Variants in COL22A1 observed in about 807,000 individuals in gnomAD.
COL22A1 encodes the protein collagen type XXII alpha 1 chain.
In COL22A1, 221 loss-of-function variants were observed where a neutral mutation model predicts 248.9. The ratio of observed to expected loss-of-function variants is 0.89; its 90% CI spans 0.80 to 0.99. COL22A1 has a LOEUF of 0.99. Among genes scored for constraint, COL22A1 ranks in the 50% least tolerant of loss-of-function variants. The pLI is 0.00. For missense variants in COL22A1, 2,240 were observed against 2,179.0 expected (o/e 1.03, Z -0.56); for synonymous variants, 891 against 793.4 (o/e 1.12, Z -2.07).
intron 41 of COL22A1, among the ~76,000 whole-genome samples, chr8:138,673,802 C>T (rs941266132): frequency 3.3e-5 from 5 of 152,078 alleles, no homozygotes; most frequent in Admixed American, 3.3e-4. Flanking sequence ...TGCACCTGCC[C>T]AGGGCTTTCT....
intron 1 of COL22A1, among the ~76,000 whole-genome samples, chr8:138,899,971 G>A (rs1250663239): frequency 3.3e-5 from 5 of 152,176 alleles, no homozygotes; most frequent in Admixed American, 1.3e-4. Flanking sequence ...CAGATATGGC[G>A]AAGGTATGAT....
rs542862875 is a variant in COL22A1, at chr8:138,659,260, A to G, written c.3285+1176T>C. Among the ~76,000 whole-genome samples, 43 of 152,204 alleles carry G rather than the reference A, an allele frequency of 2.8e-4. No individual in the cohort carries two copies. In the South Asian group the frequency reaches 5.4e-3, roughly 19 times the overall value. The stretch of plus-strand genomic sequence containing the variant: ...AAGGTGTTCAGTGAGAAGTTTCAGG[A>G]CCCTTAATGGCAGACCAGGATCCCT... On this transcript the variant is annotated intron_variant, in intron 44 of 64. Coordinates refer to ENST00000303045, the MANE Select transcript of COL22A1 (RefSeq NM_152888.3).
At chr8:138,885,722 C>T (rs1170878327) in intron 1 of COL22A1, among the ~76,000 whole-genome samples, 2 of 152,130 alleles carry the variant, frequency 1.3e-5, no homozygotes, top group South Asian at 2.1e-4. Flanking sequence ...CGCCACCACA[C>T]CCGGCTAGTT....
At chr8:138,687,383 C>T (rs1334035217) in intron 37 of COL22A1, among the ~76,000 whole-genome samples, 1 of 152,178 alleles carries the variant, frequency 6.6e-6, no homozygotes, top group Non-Finnish European at 1.5e-5. Flanking sequence ...AAAATTGAAC[C>T]TTCCTGCAAA....
intron 47 of COL22A1, among the ~76,000 whole-genome samples, chr8:138,639,221 A>G (rs1340075545): frequency 3.3e-5 from 5 of 152,232 alleles, no homozygotes; most frequent in African/African-American, 4.8e-5. Context: ...AGGTTCAGTC[A>G]TTCACCTGAG....
chr8:138,597,680 C>G (rs11986869), intron 61 of COL22A1, among the ~76,000 whole-genome samples: 4 of 152,324 alleles, frequency 2.6e-5, no homozygotes, highest in Admixed American at 6.5e-5. Flanking sequence ...AGGGGTCTTA[C>G]GGTGCTCATC....
chr8:138,878,604 C>T (rs567764152), intron 2 of COL22A1, among the ~76,000 whole-genome samples: 4 of 152,328 alleles, frequency 2.6e-5, no homozygotes, highest in South Asian at 2.1e-4. Flanking sequence ...GCCTCAATCT[C>T]TTCACTTTTA....
At chr8:138,799,633 T>C (rs908138000) in intron 11 of COL22A1, among the ~76,000 whole-genome samples, 4 of 152,210 alleles carry the variant, frequency 2.6e-5, no homozygotes, top group Non-Finnish European at 5.9e-5. Context: ...AGACTCGTTT[T>C]GAAAGTCTCT....
Position 138,623,895 on chromosome 8 carries a change from C to G in COL22A1, c.3718-110G>C. 3 of 855,486 alleles carry G rather than the reference C, an allele frequency of 3.5e-6. No individual in the cohort carries two copies. The South Asian group carries it at 5.0e-5, about 14-fold the overall frequency. The allele number at this position is 855,486 out of a possible 1,614,324, so 53.0% of individuals were successfully genotyped here. A position where few individuals can be genotyped will look rare whatever the true frequency, so the allele number is the denominator to read the frequency against. On this transcript the variant is annotated intron_variant, in intron 51 of 64. Coordinates refer to ENST00000303045, the MANE Select transcript of COL22A1 (RefSeq NM_152888.3). ...GCCCAGCTTCCAGCAGTTGCCTTCA[C>G]AGTTGGCAGCTAAGGCAGTGTCTCA...
At chr8:138,738,737 G>T (rs1563690892) in intron 22 of COL22A1, among the ~76,000 whole-genome samples, 2 of 152,146 alleles carry the variant, frequency 1.3e-5, no homozygotes, top group Non-Finnish European at 2.9e-5. Context: ...GCTTCTCAGG[G>T]CTCTGAAGAA....
chr8:138,694,253 T>TGCA (rs1390291565), intron 34 of COL22A1, among the ~76,000 whole-genome samples: 1 of 152,154 alleles, frequency 6.6e-6, no homozygotes, highest in African/African-American at 2.4e-5. Context: ...GGCAGAAACC[T>TGCA]GCAGCTCACC....
At chr8:138,851,521 C>T (rs988553454) in intron 3 of COL22A1, among the ~76,000 whole-genome samples, 2 of 152,184 alleles carry the variant, frequency 1.3e-5, no homozygotes, top group East Asian at 3.9e-4. Flanking sequence ...ACTTTGGGTG[C>T]CAGCCATCAC....
chr8:138,902,313 C>T (rs7819375), intron 1 of COL22A1, among the ~76,000 whole-genome samples: 53,740 of 152,010 alleles, frequency 0.35, 11,187 homozygotes, highest in African/African-American at 0.59. Flanking sequence ...AGAGAAAAGG[C>T]CCCAGCCAGG....
At chr8:138,767,317 C>G (rs796353920) in intron 16 of COL22A1, among the ~76,000 whole-genome samples, 1 of 152,072 alleles carries the variant, frequency 6.6e-6, no homozygotes, top group Non-Finnish European at 1.5e-5. Context: ...AACAGGGGAA[C>G]AGCAGAGGAG....
intron 4 of COL22A1, among the ~76,000 whole-genome samples, chr8:138,843,574 C>A (rs1821034079): frequency 6.6e-6 from 1 of 152,186 alleles, no homozygotes; most frequent in African/African-American, 2.4e-5. Context: ...CTCGGCCATA[C>A]CCCGCACCCT....
Position 138,591,479 on chromosome 8 carries a change from G to A in COL22A1, c.4638C>T (p.Asp1546=). Residue 1546 remains aspartate (D), a synonymous_variant, in exon 64 of 65, where the codon GAC becomes GAT. Coordinates refer to ENST00000303045, the MANE Select transcript of COL22A1 (RefSeq NM_152888.3). Reference sequence around the variant, plus strand: ...GGAGGCCAACTCCAGGTGCACCTGGGTCACCTTTGGCTCCTCGCTCACCTG... The same window carrying A: ...GGAGGCCAACTCCAGGTGCACCTGGATCACCTTTGGCTCCTCGCTCACCTG... ...GPKGERGAKG[D]PGAPGVGLRG... 2 of 1,573,210 alleles carry A rather than the reference G, an allele frequency of 1.3e-6. No homozygotes were observed. The highest frequency in any genetic ancestry group is 1.7e-6 in the Non-Finnish European group (2 of 1,159,066).
intron 34 of COL22A1, 24 bp from the exon 35 acceptor site, chr8:138,693,723 C>G (rs538463153): frequency 1.3e-5 from 21 of 1,557,710 alleles, no homozygotes; most frequent in Non-Finnish European, 1.7e-5. Flanking sequence ...AAAAGAGGGG[C>G]GGGGGTAAGA....
intron 64 of COL22A1, among the ~76,000 whole-genome samples, chr8:138,589,671 A>G (rs1216212738): frequency 2.0e-5 from 3 of 152,170 alleles, no homozygotes; most frequent in Admixed American, 2.0e-4. Flanking sequence ...TTGACCTAGG[A>G]TAGTAATCCA....
At position 138,779,631 on chromosome 8, in the gene COL22A1, C is replaced by T. The variant is rs1814782374; in HGVS notation, c.1651-69G>A. ...GGCCCAGGTACACCAGAGAAGCCCA[C>T]AGTCTCCCAGGGCCTCTGCTTCCTG... On this transcript the variant is annotated intron_variant, in intron 13 of 64. Transcript: ENST00000303045. The T allele has an allele frequency of 4.8e-6, 5 of 1,051,222 alleles. No homozygotes were observed. In the Admixed American group the frequency reaches 5.1e-5, roughly 11 times the overall value. The allele number at this position is 1,051,222 out of a possible 1,614,324, so 65.1% of individuals were successfully genotyped here.
Sources: allele counts gnomAD v4.1 joint callset (sites outside exome capture counted in the v4.1 genomes callset), GRCh38; gene constraint gnomAD v4.1.1; transcripts MANE v1.5; gene names NCBI Gene and HGNC (gene_info 2026-07-23, HGNC 2026-07-21).